Variants in TMEM62 observed in about 807,000 individuals in gnomAD.
The protein encoded by TMEM62 is transmembrane protein 62.
TMEM62 carries 41 observed loss-of-function variants against 70.4 expected under a neutral mutation model. The observed-to-expected ratio is 0.58, with a 90% confidence interval of 0.45 to 0.76. TMEM62 has a LOEUF of 0.76. Among genes scored for constraint, TMEM62 ranks in the 30% least tolerant of loss-of-function variants. TMEM62 has a pLI of 0.00. For missense variants in TMEM62, 688 were observed against 788.5 expected (o/e 0.87, Z 1.53); for synonymous variants, 268 against 291.0 (o/e 0.92, Z 0.80).
chr15:43,142,270 A>G (rs1173465611), intron 4 of TMEM62, among the ~76,000 whole-genome samples: 1 of 149,786 alleles, frequency 6.7e-6, no homozygotes, highest in South Asian at 2.1e-4. Context: ...GGTTCAAGCA[A>G]TTCTCCTGCC....
chr15:43,169,508 A>G, intron 10 of TMEM62, 85 bp from the exon 11 acceptor site: 1 of 1,232,336 alleles, frequency 8.1e-7, no homozygotes, highest in Non-Finnish European at 1.2e-6. Context: ...TGCCATTTCC[A>G]TTTTTGTTAA....
In TMEM62 at chr15:43,184,587, A is replaced by AG. The variant is rs780637275; in HGVS notation, c.*3dup. Reference sequence around the variant, plus strand: ...GTTAAAAAGCCACCTGAGCTCCTGAAGGCCATGTCTCACCACTGGCAGCTG... The same window carrying AG: ...GTTAAAAAGCCACCTGAGCTCCTGAAGGGCCATGTCTCACCACTGGCAGCTG... On this transcript the variant is annotated 3_prime_UTR_variant, in exon 14 of 14. Coordinates refer to ENST00000260403, the MANE Select transcript of TMEM62 (RefSeq NM_024956.4). 62 of 1,607,260 alleles carry AG rather than the reference A, an allele frequency of 3.9e-5. No homozygotes were observed. In the Middle Eastern group the frequency reaches 5.0e-4, roughly 13 times the overall value.
At chr15:43,174,460 G>A (rs1205368527) in intron 11 of TMEM62, among the ~76,000 whole-genome samples, 2 of 152,098 alleles carry the variant, frequency 1.3e-5, no homozygotes, top group Non-Finnish European at 2.9e-5. Flanking sequence ...TTATACATGT[G>A]TATTTTCCTG....
At chr15:43,135,232 A>C (rs2035045649) in intron 2 of TMEM62, among the ~76,000 whole-genome samples, 1 of 152,186 alleles carries the variant, frequency 6.6e-6, no homozygotes, top group South Asian at 2.1e-4. Context: ...CTATTGATGC[A>C]TTTTGTACTG....
At chr15:43,166,867 C>G (rs981494517) in intron 10 of TMEM62, among the ~76,000 whole-genome samples, 1 of 152,186 alleles carries the variant, frequency 6.6e-6, no homozygotes, top group African/African-American at 2.4e-5. Flanking sequence ...GGTCACAGAT[C>G]AACAGGATCC....
chr15:43,155,263 G>A (rs1031404360), intron 9 of TMEM62, among the ~76,000 whole-genome samples: 5 of 151,906 alleles, frequency 3.3e-5, no homozygotes, highest in African/African-American at 1.2e-4. Flanking sequence ...AATTGGGGCT[G>A]AGGCTGGAGG....
At chr15:43,147,165 T>C (rs184035170) in intron 5 of TMEM62, among the ~76,000 whole-genome samples, 2 of 152,276 alleles carry the variant, frequency 1.3e-5, no homozygotes, top group East Asian at 3.9e-4. Flanking sequence ...GGTTTCGCCA[T>C]GTTGGCCAGG....
intron 4 of TMEM62, among the ~76,000 whole-genome samples, chr15:43,140,916 C>T (rs1210491367): frequency 2.6e-5 from 4 of 152,194 alleles, no homozygotes; most frequent in Non-Finnish European, 1.5e-5. Context: ...ATGTCATTTG[C>T]CACCAGGAAG....
chr15:43,153,361 AACCATC>A (rs1200506433), intron 8 of TMEM62, among the ~76,000 whole-genome samples: 3 of 152,146 alleles, frequency 2.0e-5, no homozygotes, highest in Non-Finnish European at 4.4e-5. Context: ...ATTGTTTTGC[AACCATC>A]ACCATTATCC....
intron 10 of TMEM62, among the ~76,000 whole-genome samples, chr15:43,162,301 CTT>C (rs767207961): frequency 6.7e-5 from 9 of 135,016 alleles, no homozygotes; most frequent in Admixed American, 7.5e-5. Flanking sequence ...CCACGTCCAG[CTT>C]TTTTTTTTTT....
chr15:43,143,154 C>T (rs1382467590), intron 4 of TMEM62, among the ~76,000 whole-genome samples: 1 of 151,974 alleles, frequency 6.6e-6, no homozygotes, highest in African/African-American at 2.4e-5. Flanking sequence ...CTCCACCTCC[C>T]TGGTTCAAGC....
intron 4 of TMEM62, among the ~76,000 whole-genome samples, chr15:43,141,334 C>T (rs531408688): frequency 2.6e-5 from 4 of 152,266 alleles, no homozygotes; most frequent in East Asian, 1.9e-4. Context: ...GGTGCTTAAG[C>T]GTTATGCTAA....
chr15:43,137,615 A>G (rs941644985), intron 3 of TMEM62, among the ~76,000 whole-genome samples: 2 of 152,256 alleles, frequency 1.3e-5, no homozygotes, highest in Admixed American at 6.5e-5. Flanking sequence ...AAATCTGAAC[A>G]TCCCACTGTC....
At chr15:43,171,149 G>T (rs571424014) in intron 11 of TMEM62, among the ~76,000 whole-genome samples, 1 of 151,996 alleles carries the variant, frequency 6.6e-6, no homozygotes, top group Non-Finnish European at 1.5e-5. Context: ...CAGCCTGGCC[G>T]ACATGGTGAA....
chr15:43,178,787 T>G, intron 12 of TMEM62, 76 bp downstream of exon 12: 1 of 829,658 alleles, frequency 1.2e-6, no homozygotes, highest in Non-Finnish European at 1.9e-6. Context: ...AATTAGACTC[T>G]TGAGGGTATA....
chr15:43,166,144 C>G (rs1057401493), intron 10 of TMEM62, among the ~76,000 whole-genome samples: 10 of 152,228 alleles, frequency 6.6e-5, no homozygotes, highest in African/African-American at 2.4e-4. Context: ...AGGGGGTGCC[C>G]CAAGCCCAGT....
intron 10 of TMEM62, among the ~76,000 whole-genome samples, chr15:43,166,550 G>A (rs887391064): frequency 7.9e-5 from 12 of 151,044 alleles, no homozygotes; most frequent in African/African-American, 2.7e-4. Flanking sequence ...TTCTCCTTGA[G>A]GTTTTTCTTT....
At chr15:43,143,877 A>C (rs1008264052) in intron 4 of TMEM62, among the ~76,000 whole-genome samples, 2 of 152,234 alleles carry the variant, frequency 1.3e-5, no homozygotes, top group African/African-American at 4.8e-5. Flanking sequence ...ATCATGTAGC[A>C]AATATTTATT....
chr15:43,147,406 A>G (rs567272671), intron 5 of TMEM62, among the ~76,000 whole-genome samples: 2 of 152,390 alleles, frequency 1.3e-5, no homozygotes, highest in East Asian at 1.9e-4. Flanking sequence ...TTCTTGGTAC[A>G]GTAAATGCCA....
Sources: allele counts gnomAD v4.1 joint callset (sites outside exome capture counted in the v4.1 genomes callset), GRCh38; gene constraint gnomAD v4.1.1; transcripts MANE v1.5; gene names NCBI Gene and HGNC (gene_info 2026-07-23, HGNC 2026-07-21).